The following CCT8 variants were observed in gnomAD, a reference collection of about 807,000 sequenced individuals.
CCT8 encodes the protein chaperonin containing TCP1 subunit 8.
A neutral mutation model predicts 65.7 loss-of-function variants in CCT8; 10 were observed. The observed-to-expected ratio is 0.15, with a 90% CI of 0.09 to 0.26. The LOEUF is 0.26. Ranked by LOEUF, CCT8 falls within the 10% of genes least tolerant of loss-of-function variation. The pLI, the probability that CCT8 is intolerant of heterozygous loss-of-function variation, is 1.00. For missense variants in CCT8, 568 were observed against 669.1 expected (o/e 0.85, Z 1.67); for synonymous variants, 199 against 221.8 (o/e 0.90, Z 0.92).
chr21:29,065,055 C>G lies in CCT8; in HGVS notation c.675G>C (p.Lys225Asn). ...CAGATGTTACATCACCTTCGGTTTC[C>G]TTCTTAAAAACCATGCCATGCAATA... ...SSVLHGMVFKKETEGDVTSVK... is the reference protein window; with the variant it reads ...SSVLHGMVFKNETEGDVTSVK... The change falls in exon 7 of 15, where the codon AAG becomes AAC. Residue 225 changes from lysine to asparagine, a missense_variant. Physicochemically the swap from Lys to Asn is moderately conservative, Grantham distance 94 (BLOSUM62 0). Transcript: ENST00000286788. The G allele has an allele frequency of 6.2e-7, 1 of 1,613,962 alleles. No homozygotes were observed. The highest frequency in any genetic ancestry group is 8.5e-7 in the Non-Finnish European group (1 of 1,179,864).
chr21:29,067,612 C>T lies in CCT8; in HGVS notation c.325G>A (p.Gly109Arg). ...DGTNFVLVFA[G>R]ALLELAEELL... Reference sequence around the variant, plus strand: ...TCTTCAGCTAATTCCAGGAGAGCTCCAGCAAATACCAGAACAAAGTTTGTG... The same window carrying T: ...TCTTCAGCTAATTCCAGGAGAGCTCTAGCAAATACCAGAACAAAGTTTGTG... Residue 109 changes from glycine (G) to arginine (R), a missense_variant, in exon 4 of 15, where the codon GGA becomes AGA. Physicochemically the swap from Gly to Arg is moderately radical, Grantham distance 125 (BLOSUM62 -2). Transcript: ENST00000286788. 7.0e-7 allele frequency: 1 copy of T among 1,435,014 alleles called. No individual in the cohort carries two copies. The highest frequency in any genetic ancestry group is 1.7e-5 in the South Asian group (1 of 58,614). The allele number at this position is 1,435,014 out of a possible 1,614,324, so 88.9% of individuals were successfully genotyped here. A position where few individuals can be genotyped will look rare whatever the true frequency, so the allele number is the denominator to read the frequency against.
intron 2 of CCT8, 151 bp downstream of exon 2, chr21:29,070,096 A>G (rs540770183): frequency 2.3e-4 from 108 of 478,780 alleles, no homozygotes; most frequent in African/African-American, 2.1e-3. Context: ...ATTGAAAATT[A>G]GAAATAACTA....
At chr21:29,063,611 G>A (rs2085588183) in intron 7 of CCT8, 81 bp from the exon 8 acceptor site, 9 of 1,415,744 alleles carry the variant, frequency 6.4e-6, no homozygotes, top group Admixed American at 3.9e-5. Flanking sequence ...GTTGACTGAA[G>A]AAATAAAGGT....
At position 29,065,035 on chromosome 21, in the gene CCT8, G is replaced by T; in HGVS notation, c.695C>A (p.Thr232Lys). The T allele has an allele frequency of 6.2e-7, 1 of 1,613,562 alleles. No homozygotes were observed. The highest frequency in any genetic ancestry group is 8.5e-7 in the Non-Finnish European group (1 of 1,179,560). Residue 232 changes from threonine (T) to lysine (K), a missense_variant, in exon 7 of 15, where the codon ACA becomes AAA. By Grantham distance (78) the Thr-to-Lys change is moderately conservative. Transcript: ENST00000286788. The part of the protein sequence containing the change: ...VFKKETEGDV[T>K]SVKDAKIAVY... Reference sequence around the variant, plus strand: ...TGCTATTTTTGCATCTTTGACAGATGTTACATCACCTTCGGTTTCCTTCTT... The same window carrying T: ...TGCTATTTTTGCATCTTTGACAGATTTTACATCACCTTCGGTTTCCTTCTT...
At chr21:29,059,192 T>C (rs1428493730) in intron 14 of CCT8, among the ~76,000 whole-genome samples, 1 of 152,252 alleles carries the variant, frequency 6.6e-6, no homozygotes, top group Non-Finnish European at 1.5e-5. Flanking sequence ...CGTACTACAC[T>C]ATCCAATGCT....
intron 10 of CCT8, 36 bp downstream of exon 10, chr21:29,062,292 C>T (rs780515483): frequency 6.2e-7 from 1 of 1,604,578 alleles, no homozygotes; most frequent in Non-Finnish European, 8.5e-7. Context: ...GAAGCTAAAG[C>T]CCTACACTTA....
At chr21:29,072,987 CTCAT>C (rs1038738155) in intron 1 of CCT8, among the ~76,000 whole-genome samples, 25 of 152,202 alleles carry the variant, frequency 1.6e-4, no homozygotes, top group African/African-American at 6.0e-4. Context: ...GGGACCGGAA[CTCAT>C]TTGGCTACAA....
intron 6 of CCT8, among the ~76,000 whole-genome samples, chr21:29,066,352 C>T (rs1683955095): frequency 6.6e-6 from 1 of 152,016 alleles, no homozygotes; most frequent in African/African-American, 2.4e-5. Flanking sequence ...ACCAGCCTGA[C>T]CAACACGGAG....
chr21:29,059,453 G>A (rs1448805891), intron 14 of CCT8: 1 of 152,274 alleles, frequency 6.6e-6, no homozygotes, highest in Non-Finnish European at 1.5e-5. Flanking sequence ...TTATTGTCTT[G>A]CTTGAATAAT....
At position 29,069,461 on chromosome 21, in the gene CCT8, C is replaced by T. The variant is rs750716339; in HGVS notation, c.193G>A (p.Val65Met). 6.3e-7 allele frequency: 1 copy of T among 1,585,412 alleles called. No homozygotes were observed. Among genetic ancestry groups the T allele is most frequent in the South Asian group, 1.2e-5 (1 of 85,114 alleles). ...MVINHLEKLF[V>M]TNDAATILRE... ...AAAATAGTTGCTGCATCGTTTGTCA[C>T]AAACAACTTCTCCAAGTGGTTGATA... Residue 65 changes from valine (V) to methionine (M), a missense_variant, in exon 3 of 15, where the codon GTG becomes ATG. Val to Met is a conservative substitution (Grantham distance 21, BLOSUM62 1). Coordinates refer to ENST00000286788, the MANE Select transcript of CCT8 (RefSeq NM_006585.4).
intron 7 of CCT8, among the ~76,000 whole-genome samples, chr21:29,064,409 TAAAAAA>T (rs34760776): frequency 2.6e-4 from 7 of 26,714 alleles, no homozygotes; most frequent in African/African-American, 5.1e-4. Flanking sequence ...AGCAAGACTC[TAAAAAA>T]AAAAAAAAAA....
At chr21:29,071,389 C>G (rs1266388684) in intron 1 of CCT8, among the ~76,000 whole-genome samples, 2 of 151,678 alleles carry the variant, frequency 1.3e-5, no homozygotes, top group East Asian at 2.0e-4. Flanking sequence ...ATAGCCATTA[C>G]TCTTTTTTGA....
In CCT8 at chr21:29,061,238, T is replaced by G; in HGVS notation, c.1449+15A>C. ...CCCAAATAAAGCAATTTAAGTTCAGTGTTTTTTCAAATACCTCAATATCTA... is the reference window on the plus strand; with the variant it reads ...CCCAAATAAAGCAATTTAAGTTCAGGGTTTTTTCAAATACCTCAATATCTA... On this transcript the variant is annotated intron_variant, in intron 13 of 14. Transcript: ENST00000286788. 1.3e-6 allele frequency: 2 copies of G among 1,598,094 alleles called. No individual in the cohort carries two copies. Among genetic ancestry groups the G allele is most frequent in the Non-Finnish European group, 1.7e-6 (2 of 1,166,844 alleles).
Position 29,067,842 on chromosome 21 carries a change from C to T in CCT8, c.232-137G>A, listed in dbSNP as rs75928816. Reference sequence around the variant, plus strand: ...CTGATCACACTGCTACACTGCTATACGCTACTTATAGTGTGGTCACAAGAA... The same window carrying T: ...CTGATCACACTGCTACACTGCTATATGCTACTTATAGTGTGGTCACAAGAA... On this transcript the variant is annotated intron_variant, in intron 3 of 14. Coordinates refer to ENST00000286788, the MANE Select transcript of CCT8 (RefSeq NM_006585.4). 1,672 of 516,648 alleles carry T rather than the reference C, an allele frequency of 3.2e-3. 16 individuals are homozygous for T. The highest frequency in any genetic ancestry group is 0.029 in the African/African-American group (1,477 of 50,900). 32.0% of individuals were successfully genotyped at this position (516,648 alleles called of 1,614,324 possible).
chr21:29,070,684 T>C (rs2085670847), intron 1 of CCT8, among the ~76,000 whole-genome samples: 1 of 152,220 alleles, frequency 6.6e-6, no homozygotes, highest in Admixed American at 6.5e-5. Flanking sequence ...GTATAACATT[T>C]TGGGGGACCG....
At chr21:29,059,444 T>G (rs1568908902) in intron 14 of CCT8, 1 of 152,226 alleles carries the variant, frequency 6.6e-6, no homozygotes, top group Non-Finnish European at 1.5e-5. Context: ...GGGTGGTGGT[T>G]ATTGTCTTGC....
chr21:29,069,443 T>C lies in CCT8; in HGVS notation c.211A>G (p.Thr71Ala), dbSNP rs375378716. Residue 71 changes from threonine to alanine, a missense_variant, in exon 3 of 15, where the codon ACT (threonine) becomes GCT (alanine). Thr to Ala is a moderately conservative substitution (Grantham distance 58, BLOSUM62 0). Coordinates refer to ENST00000286788, the MANE Select transcript of CCT8 (RefSeq NM_006585.4). Reference sequence around the variant, plus strand: ...CTTACTTCTAGTTCTCTTAAAATAGTTGCTGCATCGTTTGTCACAAACAAC... The same window carrying C: ...CTTACTTCTAGTTCTCTTAAAATAGCTGCTGCATCGTTTGTCACAAACAAC... The part of the protein sequence containing the change: ...EKLFVTNDAA[T>A]ILRELEVQHP... The C allele has an allele frequency of 7.6e-6, 12 of 1,582,052 alleles. No individual in the cohort carries two copies. Among genetic ancestry groups the C allele is most frequent in the Middle Eastern group, 1.9e-4 (1 of 5,302 alleles).
At chr21:29,058,562 C>T (rs1303049825) in intron 14 of CCT8, among the ~76,000 whole-genome samples, 2 of 151,216 alleles carry the variant, frequency 1.3e-5, no homozygotes, top group African/African-American at 2.4e-5. Flanking sequence ...ATTGGTGGGT[C>T]TGGAGTGACA....
At chr21:29,071,558 G>A (rs2085680366) in intron 1 of CCT8, among the ~76,000 whole-genome samples, 1 of 151,870 alleles carries the variant, frequency 6.6e-6, no homozygotes, top group African/African-American at 2.4e-5. Flanking sequence ...ACACCAGGTT[G>A]GTTTTTTTTG....
Sources: gnomAD v4.1 joint callset for allele counts (sites outside exome capture counted in the v4.1 genomes callset) on GRCh38, gnomAD v4.1.1 for gene constraint, MANE v1.5 for transcripts, NCBI Gene and HGNC (gene_info 2026-07-23, HGNC 2026-07-21) for gene names.